The following HDAC2 variants were observed in gnomAD, a reference collection of about 807,000 sequenced individuals.
The protein encoded by HDAC2 is histone deacetylase 2, also known as YY1-associated factor 1.
A neutral mutation model predicts 68.5 loss-of-function variants in HDAC2; 5 were observed. The observed-to-expected ratio is 0.07, with a 90% CI of 0.04 to 0.15. HDAC2 has a LOEUF of 0.15. HDAC2 is among the 10% of genes least tolerant of loss of function. The pLI is 1.00. For synonymous variants in HDAC2, 182 were observed against 191.3 expected, an observed-to-expected ratio of 0.95 and a Z score of 0.40; for missense variants, 291 against 600.8, an observed-to-expected ratio of 0.48 and a Z score of 5.39.
intron 1 of HDAC2, 163 bp downstream of exon 1, chr6:113,970,694 G>A (rs1182162841): frequency 7.3e-6 from 10 of 1,364,152 alleles, no homozygotes; most frequent in East Asian, 3.0e-5. Flanking sequence ...CCAGGAAGAG[G>A]GTCTCGTTCT....
chr6:113,948,087 T>A (rs1042075964), intron 8 of HDAC2: 1 of 152,220 alleles, frequency 6.6e-6, no homozygotes, highest in Non-Finnish European at 1.5e-5. Context: ...CCCTAGAAGT[T>A]CATTCCAGAA....
chr6:113,937,407 A>G lies in HDAC2; in HGVS notation c.*3651T>C, dbSNP rs1451999141. 6.6e-6 allele frequency: 1 copy of G among 152,238 alleles called. No homozygotes were observed. Among genetic ancestry groups the G allele is most frequent in the Non-Finnish European group, 1.5e-5 (1 of 68,034 alleles). The allele number at this position is 152,238 out of a possible 1,614,324, so 9.4% of individuals were successfully genotyped here. ...CTTAGATATGATGTAACTAGCTTAG[A>G]GTACCAATGCTGACTTAGAACAGCA... On this transcript the variant is annotated 3_prime_UTR_variant, in exon 14 of 14. Transcript: ENST00000519065.
intron 3 of HDAC2, among the ~76,000 whole-genome samples, chr6:113,958,208 T>A (rs1776601205): frequency 6.6e-6 from 1 of 152,176 alleles, no homozygotes; most frequent in South Asian, 2.1e-4. Context: ...TTACGTAGAA[T>A]CAAAAGCTTC....
chr6:113,942,797 C>A (rs1029641021), intron 12 of HDAC2, among the ~76,000 whole-genome samples: 2 of 152,102 alleles, frequency 1.3e-5, no homozygotes, highest in African/African-American at 4.8e-5. Flanking sequence ...GCTAACACAG[C>A]GTTTTAAAGT....
intron 1 of HDAC2, among the ~76,000 whole-genome samples, chr6:113,962,837 G>A (rs896548999): frequency 5.3e-5 from 8 of 151,222 alleles, no homozygotes; most frequent in South Asian, 2.1e-4. Flanking sequence ...GGTGGCATGC[G>A]CCTGTAGTCC....
rs1775991248 is a variant in HDAC2, at chr6:113,936,023, G to C, written c.*5035C>G. 6.6e-6 allele frequency: 1 copy of C among 152,112 alleles called. No homozygotes were observed. The highest frequency in any genetic ancestry group is 2.4e-5 in the African/African-American group (1 of 41,420). 9.4% of individuals were successfully genotyped at this position (152,112 alleles called of 1,614,324 possible). A position where few individuals can be genotyped will look rare whatever the true frequency, so the allele number is the denominator to read the frequency against. On this transcript the variant is annotated 3_prime_UTR_variant, in exon 14 of 14. Coordinates refer to ENST00000519065, the MANE Select transcript of HDAC2 (RefSeq NM_001527.4). ...AAAATTATTCTGGCTCTAATATTCA[G>C]TTCCATTTTGTCTGACTAGCAAAGT...
At chr6:113,956,379 G>A in intron 4 of HDAC2, 2 of 566,082 alleles carry the variant, frequency 3.5e-6, no homozygotes, top group Non-Finnish European at 6.2e-6. Flanking sequence ...TAGTAACAAT[G>A]ATACCTAGAA....
At chr6:113,962,290 T>C in intron 1 of HDAC2, 1 of 275,832 alleles carries the variant, frequency 3.6e-6, no homozygotes, top group Non-Finnish European at 5.5e-6. Context: ...GTGGAGGAGC[T>C]AGATTCAAAC....
intron 12 of HDAC2, among the ~76,000 whole-genome samples, 174 bp from the exon 13 acceptor site, chr6:113,941,939 G>A (rs1027271072): frequency 6.6e-6 from 1 of 151,982 alleles, no homozygotes; most frequent in Non-Finnish European, 1.5e-5. Flanking sequence ...GGCAGTACAA[G>A]CTATGAATAG....
intron 1 of HDAC2, 69 bp from the exon 2 acceptor site, chr6:113,960,087 T>C (rs781017043): frequency 7.5e-6 from 6 of 797,956 alleles, no homozygotes; most frequent in Non-Finnish European, 1.3e-5. Flanking sequence ...TGAATTTATG[T>C]ATGTCTATCA....
intron 2 of HDAC2, among the ~76,000 whole-genome samples, chr6:113,959,045 A>G (rs895954010): frequency 6.6e-5 from 10 of 152,096 alleles, no homozygotes; most frequent in African/African-American, 2.4e-4. Context: ...AAAAAGTCAA[A>G]TCCATATGTT....
At chr6:113,963,294 G>A (rs1562149365) in intron 1 of HDAC2, among the ~76,000 whole-genome samples, 1 of 151,876 alleles carries the variant, frequency 6.6e-6, no homozygotes, top group East Asian at 2.0e-4. Flanking sequence ...ATATTTGCCA[G>A]GCTTGTCTCA....
chr6:113,970,796 C>T, intron 1 of HDAC2, 61 bp downstream of exon 1: 1 of 1,451,964 alleles, frequency 6.9e-7, no homozygotes, highest in Non-Finnish European at 9.0e-7. Flanking sequence ...CTCGCGACGG[C>T]AGCCGCGGAA....
rs761030128 is a variant in HDAC2, at chr6:113,949,157, A to G, written c.732+11T>C. 1.2e-5 allele frequency: 20 copies of G among 1,605,544 alleles called. No individual in the cohort carries two copies. The highest frequency in any genetic ancestry group is 1.6e-5 in the Non-Finnish European group (19 of 1,172,302). ...AAATTCCATTCCAATTGTGAAAACA[A>G]TAATACTTACAGGCTTAAATATCTG... On this transcript the variant is annotated intron_variant, in intron 7 of 13. Transcript: ENST00000519065.
chr6:113,963,359 C>G (rs1243109943), intron 1 of HDAC2, among the ~76,000 whole-genome samples: 1 of 152,146 alleles, frequency 6.6e-6, no homozygotes, highest in Non-Finnish European at 1.5e-5. Flanking sequence ...GCTGGGATTA[C>G]AGATGTGAGC....
At chr6:113,941,579 A>G (rs1241118074) in intron 13 of HDAC2, 129 bp downstream of exon 13, 15 of 416,606 alleles carry the variant, frequency 3.6e-5, no homozygotes, top group Non-Finnish European at 5.1e-5. Flanking sequence ...ACTAAAATTC[A>G]GAGCACCTCA....
chr6:113,949,946 T>G (rs968204685), intron 6 of HDAC2, among the ~76,000 whole-genome samples: 7 of 152,152 alleles, frequency 4.6e-5, no homozygotes, highest in Admixed American at 3.9e-4. Flanking sequence ...CATGCCAGGC[T>G]AATTTTGTAT....
intron 4 of HDAC2, 47 bp downstream of exon 4, chr6:113,956,572 A>T: frequency 7.9e-7 from 1 of 1,272,990 alleles, no homozygotes; most frequent in Non-Finnish European, 1.1e-6. Context: ...GAAAGATAAC[A>T]CACCAAGTTC....
intron 11 of HDAC2, 81 bp from the exon 12 acceptor site, chr6:113,943,587 T>A: frequency 9.6e-7 from 1 of 1,044,768 alleles, no homozygotes; most frequent in Non-Finnish European, 1.3e-6. Flanking sequence ...ACAAATGCAC[T>A]AAGCAGTTAG....
Sources: allele counts gnomAD v4.1 joint callset (sites outside exome capture counted in the v4.1 genomes callset), GRCh38; gene constraint gnomAD v4.1.1; transcripts MANE v1.5; gene names NCBI Gene and HGNC (gene_info 2026-07-23, HGNC 2026-07-21).